The following PPP1R13B variants were observed in gnomAD, a reference collection of about 807,000 sequenced individuals.
PPP1R13B encodes apoptosis-stimulating of p53 protein 1.
Under a neutral mutation model 119.8 loss-of-function variants are expected in PPP1R13B, and 44 were observed. That is an observed-to-expected ratio of 0.37 (90% CI 0.29 to 0.47). The LOEUF is 0.47. PPP1R13B is among the 20% of genes least tolerant of loss of function. The probability of loss-of-function intolerance (pLI) is 0.99; values close to 1 mark genes in which losing one functional copy is unlikely to be tolerated. For synonymous variants in PPP1R13B, 542 were observed against 561.5 expected, an observed-to-expected ratio of 0.97 and a Z score of 0.49; for missense variants, 1,227 against 1,413.5, an observed-to-expected ratio of 0.87 and a Z score of 2.12.
intron 4 of PPP1R13B, among the ~76,000 whole-genome samples, chr14:103,778,162 C>G (rs2085252470): frequency 6.6e-6 from 1 of 151,572 alleles, no homozygotes; most frequent in Non-Finnish European, 1.5e-5. Context: ...CCATATTGGC[C>G]AGCCTGGTCT....
chr14:103,836,702 G>A (rs1224790798), intron 1 of PPP1R13B, among the ~76,000 whole-genome samples: 5 of 151,630 alleles, frequency 3.3e-5, no homozygotes, highest in African/African-American at 9.7e-5. Flanking sequence ...CCTGGGAGGC[G>A]GAGGTTGCAG....
intron 16 of PPP1R13B, 99 bp downstream of exon 16, chr14:103,735,904 G>A (rs994415673): frequency 3.4e-5 from 45 of 1,328,584 alleles, no homozygotes; most frequent in Non-Finnish European, 4.6e-5. Flanking sequence ...GAGGCTCAGA[G>A]AAGCGAAGCC....
At chr14:103,779,086 T>C (rs2085277663) in intron 3 of PPP1R13B, among the ~76,000 whole-genome samples, 1 of 151,992 alleles carries the variant, frequency 6.6e-6, no homozygotes, top group Non-Finnish European at 1.5e-5. Context: ...CCATGAGTTC[T>C]AGACCAGCCT....
At chr14:103,821,019 T>C (rs971650431) in intron 1 of PPP1R13B, among the ~76,000 whole-genome samples, 7 of 152,144 alleles carry the variant, frequency 4.6e-5, no homozygotes, top group Admixed American at 4.6e-4. Context: ...TTTCAAGCTA[T>C]CAAAAAGATC....
chr14:103,753,277 C>T (rs1370872305), intron 6 of PPP1R13B, 81 bp from the exon 7 acceptor site: 178 of 1,377,600 alleles, frequency 1.3e-4, no homozygotes, highest in Non-Finnish European at 1.6e-4. Flanking sequence ...GAACTTAATT[C>T]TAGTATCATT....
intron 1 of PPP1R13B, among the ~76,000 whole-genome samples, chr14:103,825,876 G>A (rs547189297): frequency 1.2e-4 from 18 of 147,890 alleles, no homozygotes; most frequent in South Asian, 6.4e-4. Flanking sequence ...AGAGAGTCTC[G>A]CTCTATCGCC....
intron 8 of PPP1R13B, 131 bp from the exon 9 acceptor site, chr14:103,746,684 G>A (rs938586532): frequency 3.0e-5 from 22 of 726,290 alleles, no homozygotes; most frequent in Non-Finnish European, 4.3e-5. Context: ...CCTGTCATCT[G>A]GAAAGATCAG....
upstream of PPP1R13B, chr14:103,848,350 C>A: frequency 1.0e-6 from 1 of 985,456 alleles, no homozygotes; most frequent in Non-Finnish European, 1.2e-6. Context: ...CTGGGTCTCT[C>A]CCTGCAGTCC....
chr14:103,808,035 G>A (rs2086058967), intron 1 of PPP1R13B, among the ~76,000 whole-genome samples: 2 of 151,974 alleles, frequency 1.3e-5, no homozygotes, highest in Non-Finnish European at 2.9e-5. Flanking sequence ...GAGGTCAGGA[G>A]TTCGAGACCA....
intron 1 of PPP1R13B, among the ~76,000 whole-genome samples, chr14:103,839,445 T>C (rs560599312): frequency 1.3e-5 from 2 of 151,964 alleles, no homozygotes; most frequent in Admixed American, 6.6e-5. Flanking sequence ...CTGACCAACA[T>C]GGAGAAACCC....
At chr14:103,823,142 T>A (rs1270860350) in intron 1 of PPP1R13B, among the ~76,000 whole-genome samples, 1 of 151,820 alleles carries the variant, frequency 6.6e-6, no homozygotes, top group Non-Finnish European at 1.5e-5. Flanking sequence ...ATCGAGACCA[T>A]CCTGGGTAAC....
At chr14:103,741,685 T>A in intron 11 of PPP1R13B, 105 bp downstream of exon 11, 1 of 1,371,204 alleles carries the variant, frequency 7.3e-7, no homozygotes. Flanking sequence ...TTAAGTTTAA[T>A]CCTAAATAGC....
At chr14:103,847,757 C>A, upstream of PPP1R13B, 2 of 488,516 alleles carry the variant, frequency 4.1e-6, no homozygotes, top group Non-Finnish European at 5.3e-6. Context: ...CGTGCGCGTC[C>A]GCGCTCCCGG....
At chr14:103,797,637 T>G (rs2085791402) in intron 1 of PPP1R13B, 119 bp from the exon 2 acceptor site, 1 of 467,716 alleles carries the variant, frequency 2.1e-6, no homozygotes. Flanking sequence ...AGAATTATTT[T>G]CTGGAAATAA....
At chr14:103,746,297 A>G in intron 9 of PPP1R13B, 76 bp downstream of exon 9, 3 of 110,260 alleles carry the variant, frequency 2.7e-5, no homozygotes, top group Non-Finnish European at 6.2e-5. Context: ...AGCCTGCCCC[A>G]CCCCCCGCCC....
intron 3 of PPP1R13B, 50 bp from the exon 4 acceptor site, chr14:103,778,871 T>C (rs771274725): frequency 7.4e-7 from 1 of 1,358,580 alleles, no homozygotes; most frequent in Admixed American, 1.7e-5. Context: ...TAGAAAAAAG[T>C]AATATTCTCC....
At chr14:103,809,937 C>G (rs1192048509) in intron 1 of PPP1R13B, among the ~76,000 whole-genome samples, 2 of 151,434 alleles carry the variant, frequency 1.3e-5, no homozygotes, top group African/African-American at 4.8e-5. Context: ...AGTGATTCTC[C>G]TGCCTCAGCC....
At chr14:103,822,678 T>C (rs1389824748) in intron 1 of PPP1R13B, among the ~76,000 whole-genome samples, 1 of 151,986 alleles carries the variant, frequency 6.6e-6, no homozygotes, top group Non-Finnish European at 1.5e-5. Flanking sequence ...CCAGGTGTGG[T>C]GGCGCACGCC....
At chr14:103,745,513 C>T (rs906554640) in intron 9 of PPP1R13B, among the ~76,000 whole-genome samples, 2 of 152,242 alleles carry the variant, frequency 1.3e-5, no homozygotes, top group Admixed American at 1.3e-4. Flanking sequence ...ACTTTTAATG[C>T]ACTGGTTGAG....
Sources: allele counts gnomAD v4.1 joint callset (sites outside exome capture counted in the v4.1 genomes callset), GRCh38; gene constraint gnomAD v4.1.1; transcripts MANE v1.5; gene names NCBI Gene and HGNC (gene_info 2026-07-23, HGNC 2026-07-21).